EPC1: variants seen among roughly 807,000 people sequenced by gnomAD.
EPC1 encodes the protein enhancer of polycomb 1.
Under a neutral mutation model 98.4 loss-of-function variants are expected in EPC1, and 12 were observed. That is an observed-to-expected ratio of 0.12 (90% CI 0.08 to 0.20). EPC1 has a LOEUF of 0.20. Among genes scored for constraint, EPC1 ranks in the 10% least tolerant of loss-of-function variants. The pLI, the probability that EPC1 is intolerant of heterozygous loss-of-function variation, is 1.00. For synonymous variants in EPC1, 357 were observed against 363.9 expected, an observed-to-expected ratio of 0.98 and a Z score of 0.21; for missense variants, 729 against 990.5, an observed-to-expected ratio of 0.74 and a Z score of 3.54.
At chr10:32,346,637 G>T (rs1240376780) in intron 1 of EPC1, 126 bp downstream of exon 1, 5 of 974,884 alleles carry the variant, frequency 5.1e-6, no homozygotes, top group Non-Finnish European at 3.1e-6. Context: ...GGCCCGGCCG[G>T]CGACTGAGAG....
intron 1 of EPC1, among the ~76,000 whole-genome samples, chr10:32,324,397 G>T (rs957676994): frequency 2.0e-5 from 3 of 151,352 alleles, no homozygotes; most frequent in African/African-American, 7.3e-5. Flanking sequence ...TCTGCGTGGT[G>T]GCGGGTGCCT....
intron 9 of EPC1, 60 bp downstream of exon 9, chr10:32,286,634 T>G (rs1025646057): frequency 2.5e-6 from 4 of 1,580,426 alleles, no homozygotes; most frequent in Non-Finnish European, 3.4e-6. Flanking sequence ...CTTTAAAAGT[T>G]AGATTCAATC....
chr10:32,272,978 A>C (rs1285404312), intron 11 of EPC1, 185 bp downstream of exon 11: 1 of 1,569,278 alleles, frequency 6.4e-7, no homozygotes. Context: ...TTTACTTTTT[A>C]AAATAGGGAG....
chr10:32,365,157 A>G (rs760481472), intron 1 of EPC1, among the ~76,000 whole-genome samples: 6 of 152,208 alleles, frequency 3.9e-5, no homozygotes, highest in Non-Finnish European at 7.3e-5. Flanking sequence ...CTTGACGCTT[A>G]AACAAAATGG....
chr10:32,323,652 C>A (rs905467783), intron 1 of EPC1, among the ~76,000 whole-genome samples: 1 of 152,128 alleles, frequency 6.6e-6, no homozygotes, highest in African/African-American at 2.4e-5. Context: ...TTTTCTAAAC[C>A]AAATTTCCTT....
At chr10:32,369,158 T>G (rs1378121361) in intron 1 of EPC1, among the ~76,000 whole-genome samples, 1 of 152,190 alleles carries the variant, frequency 6.6e-6, no homozygotes, top group Non-Finnish European at 1.5e-5. Flanking sequence ...ATTCAGTCAG[T>G]CAAGGATCAG....
At chr10:32,355,370 C>T (rs2133090417) in intron 1 of EPC1, among the ~76,000 whole-genome samples, 1 of 152,254 alleles carries the variant, frequency 6.6e-6, no homozygotes, top group East Asian at 1.9e-4. Context: ...CTCATCCCAA[C>T]AATTAATTTC....
intron 1 of EPC1, among the ~76,000 whole-genome samples, chr10:32,363,980 G>A (rs554764260): frequency 2.6e-5 from 3 of 113,836 alleles, no homozygotes. Flanking sequence ...TTTTATAATA[G>A]TATCGTGTCC....
intron 1 of EPC1, among the ~76,000 whole-genome samples, chr10:32,334,673 C>T (rs1016850392): frequency 1.3e-5 from 2 of 152,138 alleles, no homozygotes; most frequent in African/African-American, 4.8e-5. Context: ...AAATTAGGTC[C>T]TAGACTCAGA....
chr10:32,290,326 T>C (rs1836922660), intron 6 of EPC1, among the ~76,000 whole-genome samples: 1 of 151,102 alleles, frequency 6.6e-6, no homozygotes, highest in South Asian at 2.1e-4. Flanking sequence ...CTACTAAAAA[T>C]ACAAAAATTA....
At chr10:32,334,933 A>T in intron 1 of EPC1, among the ~76,000 whole-genome samples, 1 of 152,208 alleles carries the variant, frequency 6.6e-6, no homozygotes, top group East Asian at 1.9e-4. Context: ...GAAGTCTGAG[A>T]TACTCAATAC....
At chr10:32,269,365 T>C (rs1020494884) in intron 13 of EPC1, 2 of 398,366 alleles carry the variant, frequency 5.0e-6, no homozygotes, top group Non-Finnish European at 9.1e-6. Context: ...AAAATTATAG[T>C]AGTACTCAAG....
chr10:32,342,445 C>A (rs1042629161), intron 1 of EPC1, among the ~76,000 whole-genome samples: 6 of 152,006 alleles, frequency 3.9e-5, no homozygotes, highest in African/African-American at 1.4e-4. Flanking sequence ...TAATTAAAAA[C>A]AAACAACTCC....
At chr10:32,364,841 C>A (rs1392728304) in intron 1 of EPC1, among the ~76,000 whole-genome samples, 1 of 151,992 alleles carries the variant, frequency 6.6e-6, no homozygotes, top group Non-Finnish European at 1.5e-5. Flanking sequence ...CAGCCCAGGA[C>A]AGCTTTGAAT....
chr10:32,334,750 A>T (rs1383686959), intron 1 of EPC1, among the ~76,000 whole-genome samples: 1 of 152,142 alleles, frequency 6.6e-6, no homozygotes, highest in Non-Finnish European at 1.5e-5. Context: ...ATCCTGTGAG[A>T]CTGTGTTTTG....
chr10:32,288,775 G>C (rs183821073), intron 6 of EPC1, among the ~76,000 whole-genome samples: 22 of 152,136 alleles, frequency 1.4e-4, no homozygotes, highest in Admixed American at 3.3e-4. Flanking sequence ...GGGCTCAGAG[G>C]GGGGGACCAC....
At chr10:32,371,231 TG>T (rs1267028214) in intron 1 of EPC1, among the ~76,000 whole-genome samples, 1 of 152,238 alleles carries the variant, frequency 6.6e-6, no homozygotes, top group Non-Finnish European at 1.5e-5. Flanking sequence ...GTTTTTCAAC[TG>T]GGGATTGTGA....
At chr10:32,288,185 C>T (rs1592550896) in intron 6 of EPC1, among the ~76,000 whole-genome samples, 1 of 152,162 alleles carries the variant, frequency 6.6e-6, no homozygotes, top group East Asian at 1.9e-4. Context: ...ACAATTTCTA[C>T]TGTTGTATTT....
chr10:32,307,294 A>G (rs1285494658), intron 1 of EPC1, among the ~76,000 whole-genome samples: 1 of 152,230 alleles, frequency 6.6e-6, no homozygotes, highest in Non-Finnish European at 1.5e-5. Context: ...TGTACAAGAT[A>G]TCTTTGTGGA....
Sources: gnomAD v4.1 joint callset for allele counts (sites outside exome capture counted in the v4.1 genomes callset) on GRCh38, gnomAD v4.1.1 for gene constraint, MANE v1.5 for transcripts, NCBI Gene and HGNC (gene_info 2026-07-23, HGNC 2026-07-21) for gene names.